The following CPQ variants were observed in gnomAD, a reference collection of about 807,000 sequenced individuals.
CPQ encodes Ser-Met dipeptidase.
In CPQ, 37 loss-of-function variants were observed where a neutral mutation model predicts 45.7. That is an observed-to-expected ratio of 0.81 (90% CI 0.62 to 1.07). CPQ has a LOEUF of 1.07. Among genes scored for constraint, CPQ ranks in the 50% least tolerant of loss-of-function variants. The pLI, the probability that CPQ is intolerant of heterozygous loss-of-function variation, is 0.00. For synonymous variants in CPQ, 186 were observed against 205.8 expected (o/e 0.90, Z 0.82); for missense variants, 537 against 572.9 (o/e 0.94, Z 0.64).
At chr8:97,030,347 A>G (rs1352956210) in intron 6 of CPQ, among the ~76,000 whole-genome samples, 1 of 151,752 alleles carries the variant, frequency 6.6e-6, no homozygotes. Flanking sequence ...TCTTTTGTGA[A>G]TTGTGTGTAT....
intron 7 of CPQ, among the ~76,000 whole-genome samples, chr8:97,117,937 T>G (rs1189586566): frequency 6.6e-6 from 1 of 152,276 alleles, no homozygotes; most frequent in East Asian, 1.9e-4. Context: ...TTGTTTTCCT[T>G]CTGATTCACA....
At chr8:96,901,408 G>A (rs529277003) in intron 4 of CPQ, among the ~76,000 whole-genome samples, 11 of 152,224 alleles carry the variant, frequency 7.2e-5, no homozygotes, top group African/African-American at 2.4e-4. Flanking sequence ...CTGCCTCCTG[G>A]GGAACCAAGC....
chr8:96,665,433 G>A (rs1441840257), intron 1 of CPQ, among the ~76,000 whole-genome samples: 4 of 152,136 alleles, frequency 2.6e-5, no homozygotes, highest in Admixed American at 2.6e-4. Flanking sequence ...TTGAATACGT[G>A]GGGAATGAAT....
intron 4 of CPQ, among the ~76,000 whole-genome samples, chr8:96,951,202 G>C (rs140700416): frequency 3.3e-5 from 5 of 152,070 alleles, no homozygotes; most frequent in African/African-American, 1.2e-4. Context: ...CCCCATGCTT[G>C]TCAATCGTTA....
At chr8:96,896,671 G>A (rs1343248773) in intron 4 of CPQ, among the ~76,000 whole-genome samples, 1 of 152,062 alleles carries the variant, frequency 6.6e-6, no homozygotes, top group Non-Finnish European at 1.5e-5. Flanking sequence ...CATATACAAT[G>A]TTTCTCTCTT....
At position 96,838,784 on chromosome 8, in the gene CPQ, C is replaced by G. The variant is rs113245081; in HGVS notation, c.641+3604C>G. Among the ~76,000 whole-genome samples the G allele has an allele frequency of 2.1e-3, 317 of 152,090 alleles. 2 individuals are homozygous for G. The highest frequency in any genetic ancestry group is 7.4e-3 in the African/African-American group (309 of 41,488). On this transcript the variant is annotated intron_variant, in intron 3 of 7. Coordinates refer to ENST00000220763, the MANE Select transcript of CPQ (RefSeq NM_016134.4). ...GTAGAGTAAATCATGGCAGGGCTCT[C>G]GTAACAAACCAGCTGACCCGGTTCC...
At chr8:96,797,457 A>G (rs1221571252) in intron 2 of CPQ, among the ~76,000 whole-genome samples, 1 of 152,224 alleles carries the variant, frequency 6.6e-6, no homozygotes, top group Non-Finnish European at 1.5e-5. Flanking sequence ...TAGTACAAGT[A>G]ACACTACCAA....
chr8:96,972,027 A>G (rs1033192016), intron 5 of CPQ, among the ~76,000 whole-genome samples: 6 of 152,214 alleles, frequency 3.9e-5, no homozygotes, highest in Non-Finnish European at 8.8e-5. Context: ...GAACTGGATC[A>G]CCACTGCAGG....
chr8:97,020,244 T>C (rs539954571), intron 5 of CPQ, among the ~76,000 whole-genome samples: 1 of 152,096 alleles, frequency 6.6e-6, no homozygotes, highest in South Asian at 2.1e-4. Context: ...AAGAGGAAAG[T>C]TCATAGCATT....
At chr8:96,683,178 C>T (rs1260543564) in intron 1 of CPQ, among the ~76,000 whole-genome samples, 14 of 151,980 alleles carry the variant, frequency 9.2e-5, no homozygotes, top group Middle Eastern at 6.8e-3. Flanking sequence ...TGTAGGATTC[C>T]GTTAAGTATT....
intron 7 of CPQ, among the ~76,000 whole-genome samples, chr8:97,078,693 T>G (rs1383830054): frequency 6.6e-6 from 1 of 152,078 alleles, no homozygotes; most frequent in Non-Finnish European, 1.5e-5. Flanking sequence ...AGTATGTATA[T>G]TCTACTAGAG....
intron 7 of CPQ, among the ~76,000 whole-genome samples, chr8:97,136,617 C>G (rs1181275747): frequency 6.6e-6 from 1 of 152,210 alleles, no homozygotes; most frequent in East Asian, 1.9e-4. Context: ...AGCTGTATCT[C>G]CCTCCTAGGT....
At chr8:96,929,976 C>G (rs1005127447) in intron 4 of CPQ, among the ~76,000 whole-genome samples, 7 of 152,064 alleles carry the variant, frequency 4.6e-5, no homozygotes, top group African/African-American at 1.7e-4. Flanking sequence ...AGAACCCCAG[C>G]TGGAGCAGTG....
At chr8:96,837,298 C>G (rs1302012390) in intron 3 of CPQ, among the ~76,000 whole-genome samples, 1 of 152,148 alleles carries the variant, frequency 6.6e-6, no homozygotes, top group African/African-American at 2.4e-5. Flanking sequence ...CTTTCATTTG[C>G]TCTTCAGACT....
intron 4 of CPQ, among the ~76,000 whole-genome samples, chr8:96,957,236 C>A (rs1433792358): frequency 6.6e-6 from 1 of 152,160 alleles, no homozygotes; most frequent in African/African-American, 2.4e-5. Flanking sequence ...AGGGACATGG[C>A]AGGCAGGAGC....
At chr8:96,877,866 A>G (rs1406462507) in intron 3 of CPQ, among the ~76,000 whole-genome samples, 1 of 152,210 alleles carries the variant, frequency 6.6e-6, no homozygotes, top group Non-Finnish European at 1.5e-5. Context: ...CATCCCAGGG[A>G]TTTAGACTCA....
chr8:96,769,431 G>A (rs962168558), intron 1 of CPQ, among the ~76,000 whole-genome samples: 1 of 151,982 alleles, frequency 6.6e-6, no homozygotes. Flanking sequence ...GCTGATTGTG[G>A]GTGTGTGCAT....
chr8:96,944,399 C>T (rs1361712022), intron 4 of CPQ, among the ~76,000 whole-genome samples: 9 of 152,028 alleles, frequency 5.9e-5, no homozygotes, highest in Non-Finnish European at 1.3e-4. Flanking sequence ...TCTGTCGTCT[C>T]GTTAGTATAT....
chr8:96,976,511 T>C (rs1272499706), intron 5 of CPQ, among the ~76,000 whole-genome samples: 2 of 151,798 alleles, frequency 1.3e-5, no homozygotes, highest in Non-Finnish European at 2.9e-5. Flanking sequence ...CTAAAATTAA[T>C]ATGGAACCAA....
Sources: allele counts gnomAD v4.1 joint callset (sites outside exome capture counted in the v4.1 genomes callset), GRCh38; gene constraint gnomAD v4.1.1; transcripts MANE v1.5; gene names NCBI Gene and HGNC (gene_info 2026-07-23, HGNC 2026-07-21).